UBR2: variants seen among roughly 807,000 people sequenced by gnomAD.
UBR2 encodes E3 ubiquitin-protein ligase UBR2.
A neutral mutation model predicts 247.9 loss-of-function variants in UBR2; 92 were observed. That is an observed-to-expected ratio of 0.37 (90% confidence interval 0.31 to 0.44). UBR2 has a LOEUF of 0.44. Ranked by LOEUF, UBR2 falls within the 20% of genes least tolerant of loss-of-function variation. The pLI is 1.00. For synonymous variants in UBR2, 672 were observed against 693.5 expected (o/e 0.97, Z 0.49); for missense variants, 1,613 against 2,112.6 (o/e 0.76, Z 4.64).
rs1200952555 is a variant in UBR2 at position 42,602,231 on chromosome 6, C to T, written c.532-1357C>T. 7.4e-5 allele frequency among the ~76,000 whole-genome samples: 11 copies of T among 149,160 alleles called. No homozygotes were observed. In the East Asian group the frequency reaches 1.4e-3, roughly 19 times the overall value. On this transcript the variant is annotated intron_variant, in intron 4 of 46. Coordinates refer to ENST00000372901, the MANE Select transcript of UBR2 (RefSeq NM_001363705.2). ...TTCTTTTCTTTTTGAGACAGAGTCT[C>T]GCTCTGTCACTCAGGCTGGAGTGCA...
intron 11 of UBR2, among the ~76,000 whole-genome samples, chr6:42,625,766 A>G (rs1795300198): frequency 6.6e-6 from 1 of 151,258 alleles, no homozygotes; most frequent in African/African-American, 2.4e-5. Context: ...GTATGTGTTT[A>G]TTAGTTTTTT....
Position 42,679,699 on chromosome 6 carries a change from CTCTTT to C in UBR2, c.4610-20_4610-16del. On this transcript the variant is annotated intron_variant, in intron 41 of 46. Coordinates refer to ENST00000372901, the MANE Select transcript of UBR2 (RefSeq NM_001363705.2). The stretch of plus-strand genomic sequence containing the variant: ...AATATGCCCTTAGTTGTTATATGCA[CTCTTT>C]TCTTGTTCTTCATTTGCAGTTCCTG... 3 of 1,544,996 alleles carry C rather than the reference CTCTTT, an allele frequency of 1.9e-6. No homozygotes were observed. The highest frequency in any genetic ancestry group is 2.2e-5 in the East Asian group (1 of 44,530).
Position 42,657,484 on chromosome 6 carries a change from T to G in UBR2, c.2873-540T>G, listed in dbSNP as rs112879464. On this transcript the variant is annotated intron_variant, in intron 26 of 46. Transcript: ENST00000372901. ...CTTCCCCTCTTAGGAAAAAGGGACA[T>G]TTTTCCAGAATGGCAGCACCAAAAT... Among the ~76,000 whole-genome samples the G allele has an allele frequency of 3.5e-4, 54 of 152,320 alleles. 1 individual carries two copies. The highest frequency in any genetic ancestry group is 1.2e-3 in the African/African-American group (51 of 41,570).
chr6:42,665,312 G>T, intron 32 of UBR2, 97 bp from the exon 33 acceptor site: 2 of 853,112 alleles, frequency 2.3e-6, no homozygotes, highest in Non-Finnish European at 3.5e-6. Context: ...TTTAATATTT[G>T]GAGTGTGTCT....
intron 43 of UBR2, 99 bp from the exon 44 acceptor site, chr6:42,684,695 T>G: frequency 1.4e-6 from 1 of 733,518 alleles, no homozygotes. Context: ...GGCCATACCA[T>G]GTTACCCGGG....
At chr6:42,565,839 C>A (rs558495625) in intron 1 of UBR2, among the ~76,000 whole-genome samples, 1 of 152,194 alleles carries the variant, frequency 6.6e-6, no homozygotes, top group African/African-American at 2.4e-5. Flanking sequence ...GGATTACAGG[C>A]GTGAGCCACT....
At chr6:42,614,306 G>A (rs542848485) in intron 8 of UBR2, among the ~76,000 whole-genome samples, 15 of 73,552 alleles carry the variant, frequency 2.0e-4, no homozygotes, top group South Asian at 8.7e-4. Flanking sequence ...ATATATGTGC[G>A]TATATGGGTA....
Position 42,637,117 on chromosome 6 carries a change from A to T in UBR2, c.1781A>T (p.His594Leu). The change falls in exon 15 of 47, where the codon CAT (histidine) becomes CTT (leucine). Residue 594 changes from histidine (H) to leucine (L), a missense_variant. Physicochemically the swap from His to Leu is moderately conservative, Grantham distance 99. Coordinates refer to ENST00000372901, the MANE Select transcript of UBR2 (RefSeq NM_001363705.2). ...CCAATCACACTAAGCATTTGTGGAC[A>T]TTCAGTGGAAACTATCAGATACTGT... ...EQPITLSICG[H>L]SVETIRYCVS... is the part of the protein sequence containing the mutation. 1 of 1,614,062 alleles carries T rather than the reference A, an allele frequency of 6.2e-7. No individual in the cohort carries two copies. The highest frequency in any genetic ancestry group is 2.2e-5 in the East Asian group (1 of 44,888).
chr6:42,646,016 C>G (rs924051310), intron 21 of UBR2, among the ~76,000 whole-genome samples: 1 of 152,136 alleles, frequency 6.6e-6, no homozygotes, highest in Non-Finnish European at 1.5e-5. Context: ...CTTTTTCCTT[C>G]TTGGCCTCCA....
At position 42,617,518 on chromosome 6, in the gene UBR2, A is replaced by G. The variant is rs1179314548; in HGVS notation, c.1281+11A>G. 4 of 1,549,708 alleles carry G rather than the reference A, an allele frequency of 2.6e-6. No homozygotes were observed. Among genetic ancestry groups the G allele is most frequent in the East Asian group, 2.4e-5 (1 of 40,914 alleles). ...ACGGTTCCTTCACTTGTAAGTACTG[A>G]AAGACTAGAAGAACTTTCTTGTTTT... On this transcript the variant is annotated intron_variant, in intron 11 of 46. Coordinates refer to ENST00000372901, the MANE Select transcript of UBR2 (RefSeq NM_001363705.2).
At chr6:42,616,356 A>G (rs1794550967) in intron 10 of UBR2, among the ~76,000 whole-genome samples, 1 of 152,076 alleles carries the variant, frequency 6.6e-6, no homozygotes, top group Non-Finnish European at 1.5e-5. Context: ...AACCTATGCC[A>G]TTGTGAATTA....
Position 42,573,983 on chromosome 6 carries a change from T to C in UBR2, c.328T>C (p.Tyr110His). 6.3e-7 allele frequency: 1 copy of C among 1,588,532 alleles called. No homozygotes were observed. The highest frequency in any genetic ancestry group is 8.6e-7 in the Non-Finnish European group (1 of 1,168,742). Residue 110 changes from tyrosine to histidine, a missense_variant, in exon 2 of 47, where the codon TAT becomes CAT. Around this residue, in one of 3 missense-constraint regions of UBR2, gnomAD observed 1,524 missense variants for 1,967.3 expected, o/e 0.77. Transcript: ENST00000372901. ...GRVFKVGEPT[Y>H]SCRDCAVDPT... ...TGTTTTTAAAGTAGGAGAGCCTACA[T>C]ATTCTTGCAGGTAAAATATTTTAAT...
At chr6:42,644,183 C>G in intron 18 of UBR2, 31 bp from the exon 19 acceptor site, 1 of 1,573,236 alleles carries the variant, frequency 6.4e-7, no homozygotes, top group Non-Finnish European at 8.5e-7. Flanking sequence ...TCCTCTTTTC[C>G]TTTATCTCAA....
chr6:42,687,565 G>A (rs1455370103), intron 44 of UBR2, among the ~76,000 whole-genome samples: 1 of 148,110 alleles, frequency 6.8e-6, no homozygotes, highest in Non-Finnish European at 1.5e-5. Flanking sequence ...TATTGAGACA[G>A]GGTCTCACTC....
intron 4 of UBR2, among the ~76,000 whole-genome samples, chr6:42,596,321 C>T (rs1792974808): frequency 6.6e-6 from 1 of 151,556 alleles, no homozygotes; most frequent in Admixed American, 6.6e-5. Flanking sequence ...GCTTCACCCT[C>T]AGTAAGATGA....
intron 1 of UBR2, among the ~76,000 whole-genome samples, chr6:42,571,860 G>A (rs903402042): frequency 6.6e-6 from 1 of 151,624 alleles, no homozygotes; most frequent in African/African-American, 2.4e-5. Flanking sequence ...AGGTCTTTTA[G>A]CTCAAAGAAT....
intron 25 of UBR2, among the ~76,000 whole-genome samples, chr6:42,653,139 C>G (rs973872331): frequency 3.9e-5 from 6 of 152,180 alleles, no homozygotes; most frequent in Admixed American, 1.3e-4. Context: ...AGCTGGAGTG[C>G]AGTGGTGCAA....
chr6:42,623,842 C>T (rs570928211), intron 11 of UBR2, among the ~76,000 whole-genome samples: 31 of 151,946 alleles, frequency 2.0e-4, no homozygotes, highest in Non-Finnish European at 3.2e-4. Context: ...TTTTTTTCTC[C>T]CTTTGTCTGT....
chr6:42,612,594 A>G (rs966156488), intron 8 of UBR2, among the ~76,000 whole-genome samples: 1 of 149,100 alleles, frequency 6.7e-6, no homozygotes, highest in African/African-American at 2.4e-5. Context: ...TTCACAAACA[A>G]TTTTTTTTTA....
Sources: allele counts gnomAD v4.1 joint callset (sites outside exome capture counted in the v4.1 genomes callset), GRCh38; gene constraint gnomAD v4.1.1; regional missense constraint gnomAD v4.1.1; transcripts MANE v1.5; gene names NCBI Gene and HGNC (gene_info 2026-07-23, HGNC 2026-07-21).